The following ARHGAP15 variants were observed in gnomAD, a reference collection of about 807,000 sequenced individuals.
The protein encoded by ARHGAP15 is Rho GTPase activating protein 15.
Under a neutral mutation model 63.7 loss-of-function variants are expected in ARHGAP15, and 51 were observed. The observed-to-expected ratio is 0.80, with a 90% CI of 0.64 to 1.01. The LOEUF (loss-of-function observed/expected upper bound fraction) is 1.01. Ranked by LOEUF, ARHGAP15 falls within the 50% of genes least tolerant of loss-of-function variation. ARHGAP15 has a pLI of 0.00. For synonymous variants in ARHGAP15, 191 were observed against 193.8 expected (o/e 0.99, Z 0.12); for missense variants, 560 against 564.6 (o/e 0.99, Z 0.08).
chr2:143,217,301 G>A (rs1207913549), intron 4 of ARHGAP15, among the ~76,000 whole-genome samples: 1 of 152,186 alleles, frequency 6.6e-6, no homozygotes, highest in Non-Finnish European at 1.5e-5. Flanking sequence ...TTGTTTGATG[G>A]TTATAATGAA....
At chr2:143,344,251 T>G (rs1685176564) in intron 6 of ARHGAP15, 1 of 152,138 alleles carries the variant, frequency 6.6e-6, no homozygotes, top group African/African-American at 2.4e-5. Flanking sequence ...CAATTTGGTA[T>G]TCTTTCTTTC....
In ARHGAP15 at chr2:143,768,300, AATG is replaced by A. The variant is rs1354738048; in HGVS notation, c.*134_*136del. ...CAGATGCCTCATTTTGTGAAAACTT[AATG>A]ATGATTTTGTGTTTAAGTTCCAAAC... On this transcript the variant is annotated 3_prime_UTR_variant, in exon 14 of 14. Coordinates refer to ENST00000295095, the MANE Select transcript of ARHGAP15 (RefSeq NM_018460.4). 1.4e-5 allele frequency: 12 copies of A among 882,074 alleles called. No individual in the cohort carries two copies. Among genetic ancestry groups the A allele is most frequent in the East Asian group, 2.7e-5 (1 of 37,390 alleles). 54.6% of individuals were successfully genotyped at this position (882,074 alleles called of 1,614,324 possible).
intron 1 of ARHGAP15, among the ~76,000 whole-genome samples, chr2:143,144,177 A>T (rs1237840525): frequency 6.6e-6 from 1 of 151,956 alleles, no homozygotes; most frequent in Non-Finnish European, 1.5e-5. Flanking sequence ...ATGGGCATTT[A>T]GATTAACTCT....
At chr2:143,594,510 T>C (rs1307419919) in intron 11 of ARHGAP15, among the ~76,000 whole-genome samples, 2 of 152,200 alleles carry the variant, frequency 1.3e-5, no homozygotes, top group Non-Finnish European at 2.9e-5. Context: ...AATATAGATG[T>C]GGCTTTTAGT....
intron 9 of ARHGAP15, among the ~76,000 whole-genome samples, chr2:143,513,567 C>T (rs77327606): frequency 0.016 from 2,500 of 152,314 alleles, 40 homozygotes; most frequent in Non-Finnish European, 0.026. Context: ...AGTTTCACTC[C>T]TCTACTGAAA....
chr2:143,223,433 A>C (rs1693077933), intron 4 of ARHGAP15, among the ~76,000 whole-genome samples: 1 of 152,050 alleles, frequency 6.6e-6, no homozygotes, highest in Admixed American at 6.6e-5. Flanking sequence ...ATATTTCCTG[A>C]ACTGTGTGTC....
chr2:143,483,357 C>A (rs1199603515), intron 8 of ARHGAP15, among the ~76,000 whole-genome samples: 3 of 152,082 alleles, frequency 2.0e-5, no homozygotes, highest in Admixed American at 6.6e-5. Context: ...CTAATGGCAT[C>A]GTTTTTACTA....
chr2:143,200,176 G>A (rs576940988), intron 2 of ARHGAP15, among the ~76,000 whole-genome samples: 4 of 152,192 alleles, frequency 2.6e-5, no homozygotes, highest in African/African-American at 9.6e-5. Flanking sequence ...ATTCCCCATG[G>A]CCACTGTTCT....
chr2:143,385,121 C>T (rs572480991), intron 6 of ARHGAP15, among the ~76,000 whole-genome samples: 1 of 152,076 alleles, frequency 6.6e-6, no homozygotes, highest in Admixed American at 6.6e-5. Context: ...ATATAAACCA[C>T]AGTGAGGGAA....
At chr2:143,537,100 T>A (rs997579275) in intron 10 of ARHGAP15, among the ~76,000 whole-genome samples, 10 of 152,246 alleles carry the variant, frequency 6.6e-5, no homozygotes, top group African/African-American at 2.2e-4. Context: ...ATTGTGGTTT[T>A]GATTTGCATT....
intron 1 of ARHGAP15, among the ~76,000 whole-genome samples, chr2:143,141,952 G>A (rs917336551): frequency 2.0e-5 from 3 of 152,054 alleles, no homozygotes; most frequent in Admixed American, 1.3e-4. Context: ...CTGTAGACAA[G>A]AGAACGTCTA....
intron 6 of ARHGAP15, among the ~76,000 whole-genome samples, chr2:143,345,828 C>T (rs1256206896): frequency 2.6e-5 from 4 of 151,964 alleles, no homozygotes; most frequent in Non-Finnish European, 2.9e-5. Context: ...GTTTTATCAC[C>T]ATATTATCTT....
chr2:143,721,726 G>A (rs1387882523), intron 13 of ARHGAP15, among the ~76,000 whole-genome samples: 1 of 151,152 alleles, frequency 6.6e-6, no homozygotes, highest in Non-Finnish European at 1.5e-5. Context: ...TTGCTCTGTC[G>A]CCTAGGCTGG....
At chr2:143,589,331 T>C (rs112876656) in intron 11 of ARHGAP15, among the ~76,000 whole-genome samples, 4 of 152,248 alleles carry the variant, frequency 2.6e-5, no homozygotes, top group African/African-American at 9.6e-5. Context: ...GGTGACAAGT[T>C]TAAGTCATTT....
chr2:143,730,959 A>C (rs1388073119), intron 13 of ARHGAP15, among the ~76,000 whole-genome samples: 1 of 122,060 alleles, frequency 8.2e-6, no homozygotes, highest in Non-Finnish European at 1.6e-5. Flanking sequence ...TTCAGTGTGC[A>C]CAGAATTTAT....
chr2:143,553,065 G>C (rs959080207), intron 10 of ARHGAP15, among the ~76,000 whole-genome samples: 3 of 152,156 alleles, frequency 2.0e-5, no homozygotes, highest in African/African-American at 4.8e-5. Context: ...AAAGTTCTTG[G>C]AGTAAAAGGA....
At chr2:143,711,331 G>A (rs1559138984) in intron 13 of ARHGAP15, among the ~76,000 whole-genome samples, 2 of 152,152 alleles carry the variant, frequency 1.3e-5, no homozygotes, top group Non-Finnish European at 2.9e-5. Flanking sequence ...AAAATGCTAG[G>A]AGAATTCTAG....
At chr2:143,528,495 A>T (rs191918432) in intron 10 of ARHGAP15, among the ~76,000 whole-genome samples, 104 of 152,212 alleles carry the variant, frequency 6.8e-4, no homozygotes, top group African/African-American at 2.3e-3. Context: ...AATACACAGG[A>T]TCTATCAATT....
intron 6 of ARHGAP15, among the ~76,000 whole-genome samples, chr2:143,287,107 G>C (rs1682144384): frequency 6.6e-6 from 1 of 152,084 alleles, no homozygotes; most frequent in Admixed American, 6.5e-5. Context: ...TTGAACAAAT[G>C]TATAATTCTG....
Sources: gnomAD v4.1 joint callset for allele counts (sites outside exome capture counted in the v4.1 genomes callset) on GRCh38, gnomAD v4.1.1 for gene constraint, MANE v1.5 for transcripts, NCBI Gene and HGNC (gene_info 2026-07-23, HGNC 2026-07-21) for gene names.